Variants in NSD1 observed in about 807,000 individuals in gnomAD.
NSD1 encodes the protein nuclear receptor binding SET domain protein 1.
Under a neutral mutation model 242.7 loss-of-function variants are expected in NSD1, and 26 were observed. The observed-to-expected ratio is 0.11, with a 90% CI of 0.08 to 0.15. NSD1 has a LOEUF of 0.15. Among genes scored for constraint, NSD1 ranks in the 10% least tolerant of loss-of-function variants. The probability of loss-of-function intolerance (pLI) is 1.00; values close to 1 mark genes in which losing one functional copy is unlikely to be tolerated. For missense variants in NSD1, 2,495 were observed against 3,272.8 expected (o/e 0.76, Z 5.80); for synonymous variants, 1,106 against 1,178.1 (o/e 0.94, Z 1.25).
At position 177,279,355 on chromosome 5, in the gene NSD1, G is replaced by A. The variant is rs148666205; in HGVS notation, c.5623-1210G>A. Among the ~76,000 whole-genome samples the A allele has an allele frequency of 1.3e-3, 192 of 152,066 alleles. 2 individuals carry two copies. The Middle Eastern group carries it at 0.017, about 13-fold the overall frequency. On this transcript the variant is annotated intron_variant, in intron 17 of 22. Transcript: ENST00000439151. ...TTTCCTAAAAATACAAAAATTAGCC[G>A]GGCTTGGTGGTGTGTGCCTATAGTC...
At position 177,238,216 on chromosome 5, in the gene NSD1, A is replaced by G. The variant is rs770487240; in HGVS notation, c.3922-21A>G. 1.2e-6 allele frequency: 2 copies of G among 1,613,908 alleles called. No homozygotes were observed. Among genetic ancestry groups the G allele is most frequent in the South Asian group, 1.1e-5 (1 of 91,074 alleles). On this transcript the variant is annotated intron_variant, in intron 6 of 22. Transcript: ENST00000439151. The surrounding 1 kb of genome is among the most constrained non-coding windows in gnomAD (Gnocchi z 4.6). ...ACAACAATTTTGGCCTGTGGACTCT[A>G]TTTTTATTTTTTGTTCTTAGGTAAG... is the stretch of plus-strand genomic sequence containing the variant.
chr5:177,136,220 G>T, intron 2 of NSD1, 190 bp downstream of exon 2: 1 of 552,752 alleles, frequency 1.8e-6, no homozygotes. Flanking sequence ...GAATTTGGTT[G>T]TTTTAAGCTT....
chr5:177,139,883 G>C (rs1262862082), intron 2 of NSD1, among the ~76,000 whole-genome samples: 1 of 151,172 alleles, frequency 6.6e-6, no homozygotes, highest in Non-Finnish European at 1.5e-5. Flanking sequence ...GTTTGAGACT[G>C]CAGTGAGCCA....
chr5:177,249,003 G>A (rs1755683229), intron 11 of NSD1, among the ~76,000 whole-genome samples: 1 of 152,094 alleles, frequency 6.6e-6, no homozygotes, highest in African/African-American at 2.4e-5. Context: ...AGCTCCGTTG[G>A]ACTTGGTTGG....
intron 5 of NSD1, among the ~76,000 whole-genome samples, chr5:177,226,841 T>G (rs563100927): frequency 6.6e-6 from 1 of 152,118 alleles, no homozygotes; most frequent in Non-Finnish European, 1.5e-5. Context: ...AGTATGAAAT[T>G]TTGTTAAGGG....
chr5:177,206,278 GCATGAGCCA>G (rs747225483), intron 4 of NSD1, among the ~76,000 whole-genome samples: 30 of 152,150 alleles, frequency 2.0e-4, no homozygotes, highest in Non-Finnish European at 3.4e-4. Context: ...GGGATTACAG[GCATGAGCCA>G]CTGTGCCCAG....
Position 177,210,346 on chromosome 5 carries a change from G to C in NSD1, c.1947G>C (p.Leu649=). The C allele has an allele frequency of 6.2e-7, 1 of 1,614,074 alleles. No individual in the cohort carries two copies. The highest frequency in any genetic ancestry group is 8.5e-7 in the Non-Finnish European group (1 of 1,180,020). ...CTTCTGATGATGGAAGCAGTGACCT[G>C]GATCCCATAGAACACAGCTCAGAGT... The part of the protein sequence containing the change: ...CTTSDDGSSD[L]DPIEHSSESD... Residue 649 remains leucine (L), a synonymous_variant, in exon 5 of 23, where the codon CTG becomes CTC. Transcript: ENST00000439151.
intron 5 of NSD1, among the ~76,000 whole-genome samples, chr5:177,217,412 G>C (rs999517980): frequency 6.6e-6 from 1 of 151,980 alleles, no homozygotes; most frequent in Non-Finnish European, 1.5e-5. Flanking sequence ...CTACATAAAG[G>C]TTCATGTCAT....
intron 12 of NSD1, among the ~76,000 whole-genome samples, chr5:177,253,791 C>G (rs1756199588): frequency 6.6e-6 from 1 of 152,098 alleles, no homozygotes; most frequent in African/African-American, 2.4e-5. Flanking sequence ...TGCCACATGC[C>G]TGGCTAATTT....
intron 3 of NSD1, among the ~76,000 whole-genome samples, chr5:177,198,678 C>T (rs907008633): frequency 1.3e-5 from 2 of 152,140 alleles, no homozygotes; most frequent in African/African-American, 2.4e-5. Flanking sequence ...AGGACACAAA[C>T]ATTTAGTCTG....
chr5:177,180,754 C>T (rs1760591765), intron 2 of NSD1, among the ~76,000 whole-genome samples: 1 of 152,004 alleles, frequency 6.6e-6, no homozygotes, highest in Non-Finnish European at 1.5e-5. Context: ...ATGATCTCAG[C>T]TCACTGCATC....
intron 2 of NSD1, among the ~76,000 whole-genome samples, chr5:177,191,276 A>C (rs1761677330): frequency 6.6e-6 from 1 of 152,130 alleles, no homozygotes; most frequent in Non-Finnish European, 1.5e-5. Context: ...AGCCAATCCC[A>C]GTATTTTTAA....
At chr5:177,148,394 A>C (rs1243341025) in intron 2 of NSD1, among the ~76,000 whole-genome samples, 1 of 152,014 alleles carries the variant, frequency 6.6e-6, no homozygotes, top group Non-Finnish European at 1.5e-5. Flanking sequence ...CTGGGATTAC[A>C]GGCGTGAGCC....
At chr5:177,194,274 T>C (rs1379827679) in intron 3 of NSD1, among the ~76,000 whole-genome samples, 1 of 152,038 alleles carries the variant, frequency 6.6e-6, no homozygotes, top group Non-Finnish European at 1.5e-5. Flanking sequence ...TTGTTTATTT[T>C]TCTGAGACAG....
At chr5:177,161,457 G>A (rs552516011) in intron 2 of NSD1, among the ~76,000 whole-genome samples, 43 of 151,968 alleles carry the variant, frequency 2.8e-4, no homozygotes, top group Non-Finnish European at 4.9e-4. Flanking sequence ...GCAAGGTGTA[G>A]ATAGACCTTT....
chr5:177,142,838 A>G (rs977936125), intron 2 of NSD1, among the ~76,000 whole-genome samples: 6 of 152,146 alleles, frequency 3.9e-5, no homozygotes, highest in Non-Finnish European at 8.8e-5. Flanking sequence ...TCATTTTCTG[A>G]ACAAATAAAG....
In NSD1 at chr5:177,179,928, A is replaced by T. The variant is rs114003230; in HGVS notation, c.928-11956A>T. ...TATTTTTATTTTTTATTTTTTTGAG[A>T]CTTGCCCTGTCGCTCAGGCTGGGGT... On this transcript the variant is annotated intron_variant, in intron 2 of 22. Coordinates refer to ENST00000439151, the MANE Select transcript of NSD1 (RefSeq NM_022455.5). 7.5e-3 allele frequency among the ~76,000 whole-genome samples: 1,140 copies of T among 151,646 alleles called. 21 individuals are homozygous for T. Among genetic ancestry groups the T allele is most frequent in the African/African-American group, 0.026 (1,067 of 41,382 alleles).
rs192951542 is a variant in NSD1 at position 177,272,630 on chromosome 5, A to G, written c.5510-1042A>G. Among the ~76,000 whole-genome samples the G allele has an allele frequency of 5.5e-4, 84 of 152,288 alleles. No individual in the cohort carries two copies. The South Asian group carries it at 9.7e-3, about 18-fold the overall frequency. On this transcript the variant is annotated intron_variant, in intron 16 of 22. Transcript: ENST00000439151. ...AGGGGCCGGGCACAGTGACTCATGC[A>G]TGTAATCCTAACACTTTGGAAGGCT...
intron 6 of NSD1, among the ~76,000 whole-genome samples, chr5:177,236,610 A>T (rs888561370): frequency 1.1e-4 from 16 of 152,194 alleles, no homozygotes; most frequent in African/African-American, 3.9e-4. Flanking sequence ...AGAGAGTGAC[A>T]TATAAAGTCA....
Sources: gnomAD v4.1 joint callset for allele counts (sites outside exome capture counted in the v4.1 genomes callset) on GRCh38, gnomAD v4.1.1 for gene constraint, Gnocchi (gnomAD v3.1) non-coding constraint, MANE v1.5 for transcripts, NCBI Gene and HGNC (gene_info 2026-07-23, HGNC 2026-07-21) for gene names.